TMEM132D: variants seen among roughly 807,000 people sequenced by gnomAD.
TMEM132D encodes the protein transmembrane protein 132D.
In TMEM132D, 21 loss-of-function variants were observed where a neutral mutation model predicts 62.3. The observed-to-expected ratio is 0.34, with a 90% CI of 0.24 to 0.49. The LOEUF (loss-of-function observed/expected upper bound fraction) is 0.49. Among genes scored for constraint, TMEM132D ranks in the 20% least tolerant of loss-of-function variants. The pLI, the probability that TMEM132D is intolerant of heterozygous loss-of-function variation, is 0.99. For synonymous variants in TMEM132D, 621 were observed against 575.6 expected (o/e 1.08, Z -1.13); for missense variants, 1,346 against 1,402.8 (o/e 0.96, Z 0.65).
At chr12:129,476,579 C>T (rs1874263718) in intron 3 of TMEM132D, among the ~76,000 whole-genome samples, 1 of 152,084 alleles carries the variant, frequency 6.6e-6, no homozygotes, top group Non-Finnish European at 1.5e-5. Context: ...GCCCCTAATG[C>T]CCAAGTTCAC....
chr12:129,180,227 G>GAGC (rs1354213246), intron 5 of TMEM132D, among the ~76,000 whole-genome samples: 3 of 152,018 alleles, frequency 2.0e-5, no homozygotes, highest in Non-Finnish European at 4.4e-5. Flanking sequence ...GGAGGAGGAG[G>GAGC]AGGAGGAGGA....
chr12:129,874,451 G>C (rs1454546110), intron 1 of TMEM132D, among the ~76,000 whole-genome samples: 1 of 151,882 alleles, frequency 6.6e-6, no homozygotes, highest in Non-Finnish European at 1.5e-5. Context: ...TATTTTAAAA[G>C]TAACTGTGTG....
intron 3 of TMEM132D, among the ~76,000 whole-genome samples, chr12:129,505,975 T>C (rs1361698779): frequency 1.3e-5 from 2 of 152,214 alleles, no homozygotes; most frequent in Non-Finnish European, 2.9e-5. Context: ...TCTTATCCAC[T>C]CTGTGAGTCT....
At chr12:129,243,030 A>C (rs1879978208) in intron 4 of TMEM132D, among the ~76,000 whole-genome samples, 1 of 152,182 alleles carries the variant, frequency 6.6e-6, no homozygotes, top group African/African-American at 2.4e-5. Context: ...TTTTTGCTGC[A>C]AAGTCTAGAT....
chr12:129,175,116 T>A (rs1012351309), intron 5 of TMEM132D, among the ~76,000 whole-genome samples: 1 of 152,248 alleles, frequency 6.6e-6, no homozygotes, highest in Admixed American at 6.5e-5. Context: ...TTGTTGCAAT[T>A]GCTTTTCACA....
chr12:129,450,876 C>T (rs1873260837), intron 3 of TMEM132D, among the ~76,000 whole-genome samples: 3 of 146,022 alleles, frequency 2.1e-5, no homozygotes, highest in South Asian at 2.3e-4. Flanking sequence ...CTGCCTCAGC[C>T]TCCCGAGTAG....
At chr12:129,223,845 A>C (rs755201768) in intron 4 of TMEM132D, among the ~76,000 whole-genome samples, 5 of 152,228 alleles carry the variant, frequency 3.3e-5, no homozygotes, top group African/African-American at 4.8e-5. Context: ...TCAGAGTTGA[A>C]ATCCACTAAC....
chr12:129,378,215 G>A (rs1870839657), intron 3 of TMEM132D, among the ~76,000 whole-genome samples: 3 of 152,234 alleles, frequency 2.0e-5, no homozygotes, highest in African/African-American at 4.8e-5. Flanking sequence ...ATTAAAAGAT[G>A]AGAAGATGTT....
intron 1 of TMEM132D, among the ~76,000 whole-genome samples, chr12:129,902,214 T>G (rs1391880793): frequency 6.6e-6 from 1 of 152,202 alleles, no homozygotes; most frequent in Non-Finnish European, 1.5e-5. Flanking sequence ...AGACAATTCA[T>G]GTAATTAAAA....
At chr12:129,167,084 C>G (rs144077659) in intron 5 of TMEM132D, among the ~76,000 whole-genome samples, 1 of 151,234 alleles carries the variant, frequency 6.6e-6, no homozygotes, top group Non-Finnish European at 1.5e-5. Context: ...CACTTGAAAC[C>G]AGGAGGCCGA....
chr12:129,281,730 A>G (rs142467810), intron 4 of TMEM132D, among the ~76,000 whole-genome samples: 14 of 152,312 alleles, frequency 9.2e-5, no homozygotes, highest in African/African-American at 1.4e-4. Flanking sequence ...TGAAAGCTGG[A>G]TGATAACAGC....
At chr12:129,749,444 C>A in intron 1 of TMEM132D, among the ~76,000 whole-genome samples, 2 of 146,250 alleles carry the variant, frequency 1.4e-5, no homozygotes, top group South Asian at 2.2e-4. Context: ...GTTTTGTTTA[C>A]AAATGAAGTG....
At chr12:129,162,408 T>C (rs913341978) in intron 5 of TMEM132D, among the ~76,000 whole-genome samples, 3 of 152,168 alleles carry the variant, frequency 2.0e-5, no homozygotes, top group Non-Finnish European at 2.9e-5. Context: ...AGCCACCCAG[T>C]CTATGGTATT....
intron 5 of TMEM132D, among the ~76,000 whole-genome samples, chr12:129,090,672 A>AAAAAAGAAAAG (rs1555228956): frequency 6.6e-6 from 1 of 151,926 alleles, no homozygotes. Context: ...TGTCTGAAAA[A>AAAAAAGAAAAG]AAAAGAAAAG....
chr12:129,647,127 T>C (rs1879805291), intron 2 of TMEM132D, among the ~76,000 whole-genome samples: 1 of 150,602 alleles, frequency 6.6e-6, no homozygotes, highest in African/African-American at 2.4e-5. Context: ...CATACATATA[T>C]ATATATATAT....
intron 4 of TMEM132D, among the ~76,000 whole-genome samples, chr12:129,300,543 G>A (rs1881688805): frequency 6.6e-6 from 1 of 152,186 alleles, no homozygotes; most frequent in Non-Finnish European, 1.5e-5. Context: ...TTTCGTTTTG[G>A]GAGGGTAGCA....
intron 4 of TMEM132D, among the ~76,000 whole-genome samples, chr12:129,252,584 C>G (rs1274339211): frequency 2.6e-5 from 4 of 152,196 alleles, no homozygotes; most frequent in Admixed American, 1.3e-4. Flanking sequence ...CGCTTTTACA[C>G]TGTTGGTGGG....
At chr12:129,687,263 G>A (rs993991063) in intron 2 of TMEM132D, among the ~76,000 whole-genome samples, 1 of 152,180 alleles carries the variant, frequency 6.6e-6, no homozygotes, top group Non-Finnish European at 1.5e-5. Context: ...GGAATGTGAG[G>A]TCGAATGTAT....
chr12:129,799,425 ATGTGTATATATGTATAT>A (rs1565989762), intron 1 of TMEM132D, among the ~76,000 whole-genome samples: 30 of 1,182 alleles, frequency 0.025, no homozygotes, highest in East Asian at 0.25. Flanking sequence ...ATGTGTATAT[ATGTGTATATATGTATAT>A]ATATACATAT....
Sources: allele counts gnomAD v4.1 joint callset (sites outside exome capture counted in the v4.1 genomes callset), GRCh38; gene constraint gnomAD v4.1.1; transcripts MANE v1.5; gene names NCBI Gene and HGNC (gene_info 2026-07-23, HGNC 2026-07-21).